The following PROM1 variants were observed in gnomAD, a reference collection of about 807,000 sequenced individuals.
PROM1 encodes the protein prominin 1.
In PROM1, 105 loss-of-function variants were observed where a neutral mutation model predicts 116.9. The ratio of observed to expected loss-of-function variants is 0.90; its 90% CI spans 0.77 to 1.06. The LOEUF (loss-of-function observed/expected upper bound fraction) is 1.06, where lower values mean the gene tolerates loss of function less well. Among genes scored for constraint, PROM1 ranks in the 50% least tolerant of loss-of-function variants. PROM1 has a pLI of 0.00. For synonymous variants in PROM1, 393 were observed against 387.0 expected (o/e 1.02, Z -0.18); for missense variants, 1,122 against 1,045.2 (o/e 1.07, Z -1.01).
chr4:16,025,717 A>ACG (rs909702999), intron 5 of PROM1, among the ~76,000 whole-genome samples: 5 of 115,444 alleles, frequency 4.3e-5, no homozygotes, highest in East Asian at 5.4e-4. Context: ...ACACACACAC[A>ACG]CGCACACACA....
At chr4:15,989,017 C>T (rs532154642) in intron 19 of PROM1, among the ~76,000 whole-genome samples, 3 of 152,198 alleles carry the variant, frequency 2.0e-5, no homozygotes, top group African/African-American at 4.8e-5. Flanking sequence ...GCTACAAATA[C>T]GGCCCACACA....
At chr4:16,027,319 C>CACACACACACACAT (rs1321833822) in intron 5 of PROM1, among the ~76,000 whole-genome samples, 2 of 151,964 alleles carry the variant, frequency 1.3e-5, no homozygotes, top group African/African-American at 4.8e-5. Context: ...CACACACACA[C>CACACACACACACAT]ACACAAAAGT....
intron 2 of PROM1, among the ~76,000 whole-genome samples, chr4:16,059,021 C>T (rs957590002): frequency 2.6e-5 from 4 of 152,110 alleles, no homozygotes; most frequent in African/African-American, 4.8e-5. Context: ...CTGGACAGAA[C>T]CTTTATATCA....
chr4:16,033,246 G>A (rs1348894314), intron 5 of PROM1, 58 bp downstream of exon 5: 20 of 1,413,500 alleles, frequency 1.4e-5, no homozygotes, highest in Middle Eastern at 3.7e-4. Context: ...CCATAAAAAT[G>A]TGAGACACTC....
intron 2 of PROM1, among the ~76,000 whole-genome samples, chr4:16,041,253 A>G (rs1735157582): frequency 6.6e-6 from 1 of 152,270 alleles, no homozygotes; most frequent in Admixed American, 6.5e-5. Flanking sequence ...CTCATGTTCA[A>G]TAGTCAGTTA....
chr4:16,048,230 C>T (rs1394511516), intron 2 of PROM1, among the ~76,000 whole-genome samples: 1 of 152,146 alleles, frequency 6.6e-6, no homozygotes, highest in Non-Finnish European at 1.5e-5. Context: ...TGGGGGGACC[C>T]AAACAGTACG....
intron 4 of PROM1, among the ~76,000 whole-genome samples, chr4:16,034,652 G>C (rs1275337959): frequency 6.6e-6 from 1 of 152,094 alleles, no homozygotes; most frequent in Non-Finnish European, 1.5e-5. Flanking sequence ...CATGCATGTA[G>C]CTGCTTATAT....
intron 9 of PROM1, among the ~76,000 whole-genome samples, chr4:16,017,679 G>A (rs1201212864): frequency 6.6e-6 from 1 of 152,192 alleles, no homozygotes. Flanking sequence ...AAATTAGCCA[G>A]GCATGGTGGC....
intron 26 of PROM1, chr4:15,971,302 C>T (rs948140790): frequency 2.0e-6 from 1 of 507,944 alleles, no homozygotes; most frequent in Non-Finnish European, 3.5e-6. Context: ...AGAGGATAAA[C>T]AGACTATGAC....
chr4:15,985,979 T>C lies in PROM1; in HGVS notation c.2189A>G (p.Asn730Ser), dbSNP rs756367402. 3.0e-6 allele frequency: 4 copies of C among 1,345,830 alleles called. No individual in the cohort carries two copies. The highest frequency in any genetic ancestry group is 3.9e-6 in the Non-Finnish European group (4 of 1,017,994). The allele number at this position is 1,345,830 out of a possible 1,614,324, so 83.4% of individuals were successfully genotyped here. ...CACCTCAATAATAACAGAGGAAGTA[T>C]TGTTTGTGATGAAGTTCTGAGCAAA... The part of the protein sequence containing the change: ...LDFAQNFITN[N>S]TSSVIIEETK... Residue 730 changes from asparagine to serine, a missense_variant, in exon 21 of 28, where the codon AAT becomes AGT. Coordinates refer to ENST00000447510, the MANE Select transcript of PROM1 (RefSeq NM_006017.3).
chr4:16,077,579 C>A (rs1398991258), intron 1 of PROM1, among the ~76,000 whole-genome samples: 1 of 152,190 alleles, frequency 6.6e-6, no homozygotes, highest in African/African-American at 2.4e-5. Context: ...CCAAGTCTCT[C>A]GTTCCACCTA....
In PROM1 at chr4:16,009,039, T is replaced by A; in HGVS notation, c.1211A>T (p.Asp404Val). 1 of 1,605,162 alleles carries A rather than the reference T, an allele frequency of 6.2e-7. No homozygotes were observed. Among genetic ancestry groups the A allele is most frequent in the South Asian group, 1.1e-5 (1 of 90,808 alleles). ...ATAAACAGAGAATGCTGAGAGTATA[T>A]CCTGAATAGGAAGACGCTGAGTTAC... ...DNVTQRLPIQ[D>V]ILSAFSVYVN... The change falls in exon 12 of 28, where the codon GAT becomes GTT. Residue 404 changes from aspartate (D) to valine (V), a missense_variant. Asp to Val is a radical substitution (Grantham distance 152, BLOSUM62 -3). Transcript: ENST00000447510.
chr4:15,986,076 T>C (rs763560011), intron 20 of PROM1, 39 bp from the exon 21 acceptor site: 23 of 1,416,374 alleles, frequency 1.6e-5, no homozygotes, highest in Admixed American at 6.1e-5. Flanking sequence ...TATCAAGTCA[T>C]AGAAAGTTTT....
intron 2 of PROM1, among the ~76,000 whole-genome samples, chr4:16,047,201 G>T (rs542184101): frequency 6.6e-6 from 1 of 152,082 alleles, no homozygotes; most frequent in South Asian, 2.1e-4. Flanking sequence ...CTTTATCAAG[G>T]GTACTGCCTT....
intron 16 of PROM1, among the ~76,000 whole-genome samples, chr4:15,993,421 A>AAGATT (rs1211989412): frequency 9.2e-5 from 14 of 152,194 alleles, no homozygotes; most frequent in African/African-American, 3.4e-4. Flanking sequence ...GTGCCCTGGA[A>AAGATT]TGGTCTTTCC....
chr4:15,988,229 G>C (rs144681386), intron 19 of PROM1, among the ~76,000 whole-genome samples: 133 of 152,250 alleles, frequency 8.7e-4, no homozygotes, highest in African/African-American at 3.0e-3. Context: ...GAAAACATTG[G>C]ATACATATCC....
At chr4:16,082,247 G>C (rs1288933727) in intron 1 of PROM1, 4 of 151,914 alleles carry the variant, frequency 2.6e-5, no homozygotes, top group Non-Finnish European at 4.4e-5. Context: ...CACACAAGTT[G>C]AATCATATGA....
At chr4:16,025,354 G>C (rs1186946922) in intron 5 of PROM1, 42 bp from the exon 6 acceptor site, 1 of 1,608,704 alleles carries the variant, frequency 6.2e-7, no homozygotes, top group African/African-American at 1.3e-5. Context: ...TTTACTGTGT[G>C]GTCCATGGTT....
In PROM1 at chr4:15,989,785, G is replaced by A. The variant is rs1324631413; in HGVS notation, c.2023C>T (p.Gln675Ter). The change falls in exon 19 of 28, where the codon CAA (glutamine) becomes TAA (stop). Residue 675 changes from glutamine (Q) to a stop codon, truncating the protein, a stop_gained. Transcript: ENST00000447510. LOFTEE classifies it high-confidence loss of function. ...TGCTGGTGAATTGTTTTAATAGTTTGTGCATCTCTTTTCAGGGAGTTCCTC... is the reference window on the plus strand; with the variant it reads ...TGCTGGTGAATTGTTTTAATAGTTTATGCATCTCTTTTCAGGGAGTTCCTC... ...NLRNSLKRDA[Q>*]TIKTIHQQRV... 1 of 1,610,036 alleles carries A rather than the reference G, an allele frequency of 6.2e-7. No homozygotes were observed. Among genetic ancestry groups the A allele is most frequent in the Admixed American group, 1.7e-5 (1 of 59,552 alleles).
Sources: gnomAD v4.1 joint callset for allele counts (sites outside exome capture counted in the v4.1 genomes callset) on GRCh38, gnomAD v4.1.1 for gene constraint, MANE v1.5 for transcripts, NCBI Gene and HGNC (gene_info 2026-07-23, HGNC 2026-07-21) for gene names.